The following LSS variants were observed in gnomAD, a reference collection of about 807,000 sequenced individuals.
LSS encodes lanosterol synthase, also known as 2,3-epoxysqualene-lanosterol cyclase.
A neutral mutation model predicts 110.3 loss-of-function variants in LSS; 90 were observed. The ratio of observed to expected loss-of-function variants is 0.82; its 90% CI spans 0.69 to 0.97. The LOEUF is 0.97. Ranked by LOEUF, LSS falls within the 50% of genes least tolerant of loss-of-function variation. The probability of loss-of-function intolerance (pLI) is 0.00; values close to 1 mark genes in which losing one functional copy is unlikely to be tolerated. For missense variants in LSS, 927 were observed against 990.0 expected (o/e 0.94, Z 0.85); for synonymous variants, 433 against 400.0 (o/e 1.08, Z -0.98).
Position 46,207,479 on chromosome 21 carries a change from G to C in LSS, c.1416C>G (p.Pro472=), listed in dbSNP as rs767705167. 3.7e-6 allele frequency: 6 copies of C among 1,612,382 alleles called. No individual in the cohort carries two copies. The highest frequency in any genetic ancestry group is 4.2e-6 in the Non-Finnish European group (5 of 1,179,592). ...KAVLLLQEKC[P]HVTEHIPRER... ...CTCTGGGGATGTGCTCGGTGACATG[G>C]GGACACTTCTCCTGCAGGAGCAGCA... Residue 472 remains proline (P), a synonymous_variant, in exon 15 of 22, where the codon CCC becomes CCG. Coordinates refer to ENST00000397728, the MANE Select transcript of LSS (RefSeq NM_002340.6).
chr21:46,201,089 G>A (rs927684136), intron 17 of LSS, among the ~76,000 whole-genome samples: 1 of 143,656 alleles, frequency 7.0e-6, no homozygotes, highest in Non-Finnish European at 1.5e-5. Context: ...TGGGAGGACA[G>A]GTCATGAAGT....
At position 46,191,142 on chromosome 21, in the gene LSS, G is replaced by A; in HGVS notation, c.2161C>T (p.Gln721Ter). 1 of 1,614,012 alleles carries A rather than the reference G, an allele frequency of 6.2e-7. No individual in the cohort carries two copies. Among genetic ancestry groups the A allele is most frequent in the African/African-American group, 1.3e-5 (1 of 75,058 alleles). ...FPIWALGRFSQLYPERALAGH... is the reference protein window; with the variant it reads ...FPIWALGRFS ...GCAAGGGCTCTCTCAGGGTACAGCT[G>A]GGAGAAGCGGCCGAGGGCCCAGATG... The change falls in exon 22 of 22, where the codon CAG becomes TAG. Residue 721 changes from glutamine (Q) to a stop codon, truncating the protein, a stop_gained. Coordinates refer to ENST00000397728, the MANE Select transcript of LSS (RefSeq NM_002340.6). LOFTEE classifies it high-confidence loss of function.
intron 4 of LSS, chr21:46,222,181 TCC>T: frequency 6.9e-6 from 4 of 579,780 alleles, no homozygotes; most frequent in South Asian, 4.3e-5. Flanking sequence ...CCCCACTCCT[TCC>T]TCACCGTGAC....
At chr21:46,192,429 T>G (rs1442170627) in intron 20 of LSS, 4 of 441,294 alleles carry the variant, frequency 9.1e-6, no homozygotes, top group Non-Finnish European at 1.4e-5. Flanking sequence ...CAAGCAGACC[T>G]GCCCTAGCTT....
chr21:46,194,495 C>A lies in LSS; in HGVS notation c.1984G>T (p.Val662Phe). The part of the protein sequence containing the change: ...TCWAMMGLMA[V>F]RHPDIEAQER... The stretch of plus-strand genomic sequence containing the variant: ...GGACGGTCCCGTCGTCCCCACCGAA[C>A]GGCCATCAGCCCCATCATGGCCCAG... Residue 662 changes from valine to phenylalanine, a missense_variant, in exon 20 of 22, where the codon GTT becomes TTT. Transcript: ENST00000397728. The A allele has an allele frequency of 1.9e-6, 3 of 1,613,462 alleles. No individual in the cohort carries two copies. The highest frequency in any genetic ancestry group is 2.5e-6 in the Non-Finnish European group (3 of 1,179,992).
In LSS at chr21:46,209,943, C is replaced by T. The variant is rs1470051127; in HGVS notation, c.1195-318G>A. Among the ~76,000 whole-genome samples the T allele has an allele frequency of 6.6e-6, 1 of 152,204 alleles. No individual in the cohort carries two copies. The highest frequency in any genetic ancestry group is 2.4e-5 in the African/African-American group (1 of 41,448). On this transcript the variant is annotated intron_variant, in intron 12 of 21. Coordinates refer to ENST00000397728, the MANE Select transcript of LSS (RefSeq NM_002340.6). The surrounding 1 kb of genome is among the most constrained non-coding windows in gnomAD (Gnocchi z 4.4). ...GGCAGGCCCTTTGCGTGGCCCAGCC[C>T]TCAGGGCTCTCCAGAAACACCTTCA...
chr21:46,193,057 C>T (rs576183179), intron 20 of LSS: 7 of 438,816 alleles, frequency 1.6e-5, no homozygotes, highest in South Asian at 3.2e-5. Flanking sequence ...TCTCCATGTA[C>T]GTATGTCTGT....
At position 46,223,609 on chromosome 21, in the gene LSS, T is replaced by TA. The variant is rs1358792526; in HGVS notation, c.320-872dup. On this transcript the variant is annotated intron_variant, in intron 3 of 21. Coordinates refer to ENST00000397728, the MANE Select transcript of LSS (RefSeq NM_002340.6). ...GAATAGTTATACCAGATATAGATCT[T>TA]AGAGATATATGAATATCATTAATCA... is the stretch of plus-strand genomic sequence containing the variant. 2.6e-5 allele frequency among the ~76,000 whole-genome samples: 4 copies of TA among 152,344 alleles called. No homozygotes were observed. The East Asian group carries it at 5.8e-4, about 22-fold the overall frequency.
At chr21:46,213,662 C>T in intron 10 of LSS, 76 bp downstream of exon 10, 1 of 1,344,378 alleles carries the variant, frequency 7.4e-7, no homozygotes, top group Non-Finnish European at 1.0e-6. Context: ...CGTGGGGGCC[C>T]CCTCACTGGG....
intron 17 of LSS, among the ~76,000 whole-genome samples, chr21:46,205,290 AGCAGGAG>A (rs2080030814): frequency 3.6e-5 from 2 of 56,284 alleles, no homozygotes; most frequent in African/African-American, 8.8e-5. Context: ...ACTAACCGCG[AGCAGGAG>A]AGCAGGAGAG....
intron 8 of LSS, 21 bp downstream of exon 8, chr21:46,215,664 G>T: frequency 6.4e-7 from 1 of 1,556,256 alleles, no homozygotes; most frequent in Non-Finnish European, 8.8e-7. Flanking sequence ...CTGCCCTGCC[G>T]GCCCCTCAGG....
chr21:46,218,484 C>T (rs1173800135), intron 6 of LSS, among the ~76,000 whole-genome samples: 1 of 151,826 alleles, frequency 6.6e-6, no homozygotes, highest in Non-Finnish European at 1.5e-5. Flanking sequence ...ATTAGCTGGG[C>T]GTGATGGCCT....
At chr21:46,208,509 G>GT (rs1290135048) in intron 13 of LSS, among the ~76,000 whole-genome samples, 11 of 152,332 alleles carry the variant, frequency 7.2e-5, no homozygotes, top group Admixed American at 2.0e-4. Flanking sequence ...GCTGGGAAAC[G>GT]TGACTGGCCA....
chr21:46,210,758 A>G lies in LSS; in HGVS notation c.1138-14T>C. On this transcript the variant is annotated splice_polypyrimidine_tract_variant and intron_variant, in intron 11 of 21. Coordinates refer to ENST00000397728, the MANE Select transcript of LSS (RefSeq NM_002340.6). ...GCCGTTGGTGCCCTACACACAAAGG[A>G]TGGTGTTACAGCAGCAGATGCAGCC... 5.0e-6 allele frequency: 8 copies of G among 1,613,400 alleles called. No individual in the cohort carries two copies. Among genetic ancestry groups the G allele is most frequent in the Non-Finnish European group, 6.8e-6 (8 of 1,179,588 alleles).
In LSS at chr21:46,228,579, C is replaced by T. The variant is rs763705074; in HGVS notation, c.35G>A (p.Gly12Asp). Residue 12 changes from glycine (G) to aspartate (D), a missense_variant, in exon 2 of 22, where the codon GGC becomes GAC. Physicochemically the swap from Gly to Asp is moderately conservative, Grantham distance 94. Transcript: ENST00000397728. ...GGTGGCGGGCTCGGTCTTGTAGGGG[C>T]CCCCTCGGCGCCGCAGACACCTGAG... The part of the protein sequence containing the change: ...TEGTCLRRRG[G>D]PYKTEPATDL... 3 of 1,592,048 alleles carry T rather than the reference C, an allele frequency of 1.9e-6. No homozygotes were observed. The highest frequency in any genetic ancestry group is 1.7e-6 in the Non-Finnish European group (2 of 1,175,964).
intron 21 of LSS, among the ~76,000 whole-genome samples, chr21:46,191,516 G>A (rs987917640): frequency 2.6e-5 from 4 of 152,162 alleles, no homozygotes; most frequent in Non-Finnish European, 5.9e-5. Context: ...CCCAGGGGAG[G>A]GCGGTTGGCC....
At chr21:46,192,020 C>G in intron 20 of LSS, 61 bp from the exon 21 acceptor site, 11 of 1,243,660 alleles carry the variant, frequency 8.8e-6, no homozygotes, top group Non-Finnish European at 1.3e-5. Flanking sequence ...TCATCCTCAC[C>G]CTCACACAGC....
chr21:46,208,850 T>C (rs958619054), intron 13 of LSS, among the ~76,000 whole-genome samples: 3 of 152,120 alleles, frequency 2.0e-5, no homozygotes, highest in African/African-American at 4.8e-5. Flanking sequence ...GAGCCCAAGA[T>C]GGGTGCCAGC....
chr21:46,219,656 T>C (rs2123753140), intron 5 of LSS, 84 bp from the exon 6 acceptor site: 1 of 818,516 alleles, frequency 1.2e-6, no homozygotes, highest in Non-Finnish European at 1.9e-6. Flanking sequence ...CTTCACCCTC[T>C]GGGAGTCACG....
Sources: gnomAD v4.1 joint callset for allele counts (sites outside exome capture counted in the v4.1 genomes callset) on GRCh38, gnomAD v4.1.1 for gene constraint, Gnocchi (gnomAD v3.1) non-coding constraint, MANE v1.5 for transcripts, NCBI Gene and HGNC (gene_info 2026-07-23, HGNC 2026-07-21) for gene names.